WDR72: variants seen among roughly 807,000 people sequenced by gnomAD.
The protein encoded by WDR72 is WD repeat-containing protein 72.
WDR72 carries 120 observed loss-of-function variants against 124.2 expected under a neutral mutation model. That is an observed-to-expected ratio of 0.97 (90% CI 0.83 to 1.12). The LOEUF is 1.12. Among genes scored for constraint, WDR72 ranks in the 50% most tolerant of loss-of-function variants. The pLI is 0.00. For synonymous variants in WDR72, 452 were observed against 441.7 expected (o/e 1.02, Z -0.29); for missense variants, 1,387 against 1,278.8 (o/e 1.08, Z -1.29).
intron 18 of WDR72, among the ~76,000 whole-genome samples, chr15:53,571,085 G>C (rs200469963): frequency 6.6e-6 from 1 of 151,932 alleles, no homozygotes; most frequent in East Asian, 1.9e-4. Context: ...GTGGAAGCTA[G>C]ACAGTAAGTA....
chr15:53,556,081 T>C lies in WDR72; in HGVS notation c.3149-32759A>G, dbSNP rs372040784. On this transcript the variant is annotated intron_variant, in intron 18 of 19. Transcript: ENST00000360509. ...GTTTGGATGACAATGTATTCCATCA[T>C]TTATCTATGGAGAAAACAAATAATA... Among the ~76,000 whole-genome samples the C allele has an allele frequency of 2.6e-5, 4 of 152,276 alleles. No homozygotes were observed. In the East Asian group the frequency reaches 7.7e-4, roughly 29 times the overall value.
At chr15:53,597,026 T>A in intron 18 of WDR72, 53 bp downstream of exon 18, 1 of 1,559,662 alleles carries the variant, frequency 6.4e-7, no homozygotes. Flanking sequence ...TTGGAGACTA[T>A]CTATAGTAGA....
At chr15:53,559,226 CTTTTAGCCATGGACTAGAA>C (rs1218844370) in intron 18 of WDR72, among the ~76,000 whole-genome samples, 12 of 151,570 alleles carry the variant, frequency 7.9e-5, no homozygotes, top group Non-Finnish European at 1.5e-5. Context: ...GCCTTGGTTT[CTTTTAGCCATGGACTAGAA>C]AGAAGAAAGA....
chr15:53,688,850 C>G lies in WDR72; in HGVS notation c.1765+10900G>C, dbSNP rs557947310. On this transcript the variant is annotated intron_variant, in intron 13 of 19. Transcript: ENST00000360509. ...CTACAGTAACCAAAACAGCATGGTA[C>G]TGGTACCAAAACAGAGATATAGATC... 6.3e-3 allele frequency among the ~76,000 whole-genome samples: 965 copies of G among 152,092 alleles called. 9 individuals carry two copies. The highest frequency in any genetic ancestry group is 8.0e-3 in the Non-Finnish European group (541 of 67,928).
At chr15:53,715,502 TTC>T in intron 4 of WDR72, 135 bp from the exon 5 acceptor site, 2 of 1,021,366 alleles carry the variant, frequency 2.0e-6, no homozygotes, top group Non-Finnish European at 2.9e-6. Flanking sequence ...CAACTAAAAT[TTC>T]TCTTAGTTCA....
At chr15:53,700,413 C>G (rs2017136108) in intron 12 of WDR72, among the ~76,000 whole-genome samples, 2 of 152,100 alleles carry the variant, frequency 1.3e-5, no homozygotes, top group South Asian at 4.2e-4. Flanking sequence ...GGTTCTAATC[C>G]AAACAGGAAA....
At chr15:53,529,916 G>A (rs1892357385) in intron 18 of WDR72, among the ~76,000 whole-genome samples, 1 of 151,914 alleles carries the variant, frequency 6.6e-6, no homozygotes, top group African/African-American at 2.4e-5. Context: ...GAAAAGGAGA[G>A]TAACAGGGAA....
chr15:53,547,213 A>G (rs137981363), intron 18 of WDR72, among the ~76,000 whole-genome samples: 24 of 152,320 alleles, frequency 1.6e-4, no homozygotes, highest in African/African-American at 4.8e-4. Context: ...GCCAAATGGA[A>G]ACACCAAGTC....
intron 13 of WDR72, among the ~76,000 whole-genome samples, chr15:53,696,816 C>T (rs1317770012): frequency 6.6e-6 from 1 of 152,094 alleles, no homozygotes; most frequent in Non-Finnish European, 1.5e-5. Context: ...AGGCAATACC[C>T]AACACGAGAA....
At chr15:53,659,399 T>C (rs146268195) in intron 14 of WDR72, among the ~76,000 whole-genome samples, 1 of 152,218 alleles carries the variant, frequency 6.6e-6, no homozygotes, top group Non-Finnish European at 1.5e-5. Context: ...CACCATGAAA[T>C]AGGAGCATTC....
chr15:53,600,419 T>C (rs900198430), intron 17 of WDR72, among the ~76,000 whole-genome samples: 3 of 152,126 alleles, frequency 2.0e-5, no homozygotes, highest in Non-Finnish European at 4.4e-5. Context: ...AGAAATTTCT[T>C]CCAAAAGGTA....
intron 13 of WDR72, chr15:53,684,497 C>G: frequency 6.2e-6 from 1 of 162,448 alleles, no homozygotes; most frequent in African/African-American, 2.4e-5. Flanking sequence ...CTGCGCTTTT[C>G]CGACGGGCTT....
chr15:53,609,489 T>A (rs114605462), intron 17 of WDR72, 24 bp downstream of exon 17: 1 of 1,601,184 alleles, frequency 6.2e-7, no homozygotes. Context: ...TCTAATAACG[T>A]CATGAATGTG....
At chr15:53,578,056 T>C (rs1173954964) in intron 18 of WDR72, among the ~76,000 whole-genome samples, 1 of 152,180 alleles carries the variant, frequency 6.6e-6, no homozygotes, top group Non-Finnish European at 1.5e-5. Context: ...AGAAGTATGT[T>C]ATTTGTATTT....
At chr15:53,747,697 C>T (rs887465966) in intron 1 of WDR72, among the ~76,000 whole-genome samples, 6 of 152,154 alleles carry the variant, frequency 3.9e-5, no homozygotes, top group Admixed American at 3.3e-4. Context: ...TTCACCTCCT[C>T]GCTCAATAAG....
chr15:53,681,396 G>A (rs1001377279), intron 13 of WDR72, among the ~76,000 whole-genome samples: 1 of 151,930 alleles, frequency 6.6e-6, no homozygotes, highest in African/African-American at 2.4e-5. Flanking sequence ...AGTTAAGGAG[G>A]AGCCAAAGAG....
At position 53,699,780 on chromosome 15, in the gene WDR72, C is replaced by A; in HGVS notation, c.1735G>T (p.Asp579Tyr). The A allele has an allele frequency of 6.2e-7, 1 of 1,614,142 alleles. No homozygotes were observed. Among genetic ancestry groups the A allele is most frequent in the South Asian group, 1.1e-5 (1 of 91,062 alleles). ...TCAATTTCCCAGATATAAACTGAGT[C>A]ATCTGCACATCCAACAATTAAAAAA... Reference protein sequence around the residue: ...ENFLIVGCADDSVYIWEIETG... With the variant: ...ENFLIVGCADYSVYIWEIETG... The change falls in exon 13 of 20, where the codon GAC becomes TAC. Residue 579 changes from aspartate to tyrosine, a missense_variant. Asp to Tyr is a radical substitution (Grantham distance 160, BLOSUM62 -3). Transcript: ENST00000360509.
chr15:53,560,264 G>A (rs1401832337), intron 18 of WDR72, among the ~76,000 whole-genome samples: 1 of 151,818 alleles, frequency 6.6e-6, no homozygotes, highest in African/African-American at 2.4e-5. Flanking sequence ...CCCAGATTGA[G>A]GTTGTGCCTT....
intron 17 of WDR72, among the ~76,000 whole-genome samples, chr15:53,600,610 G>A (rs1178802165): frequency 6.6e-6 from 1 of 152,138 alleles, no homozygotes; most frequent in Non-Finnish European, 1.5e-5. Context: ...CCTTGGAAGA[G>A]CAAAATACTG....
Sources: gnomAD v4.1 joint callset for allele counts (sites outside exome capture counted in the v4.1 genomes callset) on GRCh38, gnomAD v4.1.1 for gene constraint, MANE v1.5 for transcripts, NCBI Gene and HGNC (gene_info 2026-07-23, HGNC 2026-07-21) for gene names.